The following CSMD1 variants were observed in gnomAD, a reference collection of about 807,000 sequenced individuals.
CSMD1 encodes the protein CUB and Sushi multiple domains 1.
CSMD1 carries 213 observed loss-of-function variants against 417.5 expected under a neutral mutation model. That is an observed-to-expected ratio of 0.51 (90% confidence interval 0.46 to 0.57). The LOEUF is 0.57. CSMD1 is among the 20% of genes least tolerant of loss of function. The probability of loss-of-function intolerance (pLI) is 0.00; values close to 1 mark genes in which losing one functional copy is unlikely to be tolerated. For missense variants in CSMD1, 6,923 were observed against 4,529.7 expected (o/e 1.53, Z -15.17); for synonymous variants, 2,862 against 1,736.8 (o/e 1.65, Z -16.11).
intron 12 of CSMD1, among the ~76,000 whole-genome samples, chr8:3,417,828 C>T (rs1813252731): frequency 6.7e-6 from 1 of 149,906 alleles, no homozygotes; most frequent in Admixed American, 6.6e-5. Flanking sequence ...TCTACAGACC[C>T]TGTTTTTTGG....
chr8:3,505,321 T>A (rs1177370475), intron 10 of CSMD1, among the ~76,000 whole-genome samples: 2 of 152,124 alleles, frequency 1.3e-5, no homozygotes, highest in African/African-American at 4.8e-5. Context: ...CGCTGAAACT[T>A]TGAAGGAGCA....
chr8:4,069,811 T>C (rs1300821424), intron 3 of CSMD1, among the ~76,000 whole-genome samples: 1 of 152,216 alleles, frequency 6.6e-6, no homozygotes, highest in Non-Finnish European at 1.5e-5. Flanking sequence ...ACTCGACAAC[T>C]CACTACTGAA....
intron 3 of CSMD1, among the ~76,000 whole-genome samples, chr8:4,349,568 G>C (rs1351147079): frequency 6.6e-6 from 1 of 152,058 alleles, no homozygotes; most frequent in Admixed American, 6.5e-5. Context: ...AGGTGACATA[G>C]AAGGCTTCAA....
At chr8:4,848,385 G>C (rs902492553) in intron 1 of CSMD1, among the ~76,000 whole-genome samples, 2 of 152,184 alleles carry the variant, frequency 1.3e-5, no homozygotes, top group African/African-American at 2.4e-5. Flanking sequence ...TTATAGTGGA[G>C]CTGAAAAATT....
intron 7 of CSMD1, among the ~76,000 whole-genome samples, chr8:3,642,070 A>C (rs1797334721): frequency 6.6e-6 from 1 of 152,148 alleles, no homozygotes; most frequent in Non-Finnish European, 1.5e-5. Context: ...CGATGGATAC[A>C]CTGAGGGCAA....
At chr8:3,370,735 G>T (rs1809893580) in intron 18 of CSMD1, among the ~76,000 whole-genome samples, 1 of 152,212 alleles carries the variant, frequency 6.6e-6, no homozygotes, top group African/African-American at 2.4e-5. Flanking sequence ...AGCACTTTGG[G>T]AGGCTGAGGC....
Position 3,955,703 on chromosome 8 carries a change from G to C in CSMD1, c.818+42200C>G, listed in dbSNP as rs1585029224. Reference sequence around the variant, plus strand: ...GGATGAGGAAAGAGGATGAATACGTGGACACAAAGATTCTTCGAGAACTGC... The same window carrying C: ...GGATGAGGAAAGAGGATGAATACGTCGACACAAAGATTCTTCGAGAACTGC... On this transcript the variant is annotated intron_variant, in intron 5 of 69. Transcript: ENST00000635120. Among the ~76,000 whole-genome samples the C allele has an allele frequency of 2.0e-5, 3 of 151,840 alleles. No individual in the cohort carries two copies. In the South Asian group the frequency reaches 6.2e-4, roughly 32 times the overall value.
At chr8:4,690,916 G>A (rs954952450) in intron 1 of CSMD1, among the ~76,000 whole-genome samples, 1 of 152,030 alleles carries the variant, frequency 6.6e-6, no homozygotes, top group African/African-American at 2.4e-5. Context: ...TTTAGTAGAG[G>A]TGGGGTTTCA....
At chr8:3,816,872 G>A (rs537999471) in intron 5 of CSMD1, among the ~76,000 whole-genome samples, 42 of 152,016 alleles carry the variant, frequency 2.8e-4, no homozygotes, top group Non-Finnish European at 3.1e-4. Context: ...GGGTAAGGGG[G>A]CACTATATAT....
At chr8:3,050,786 T>A (rs1811768929) in intron 50 of CSMD1, among the ~76,000 whole-genome samples, 1 of 152,246 alleles carries the variant, frequency 6.6e-6, no homozygotes, top group Non-Finnish European at 1.5e-5. Context: ...TGTCTATTTA[T>A]ATCTAAGTAT....
intron 1 of CSMD1, among the ~76,000 whole-genome samples, chr8:4,958,960 G>A (rs971187054): frequency 6.6e-6 from 1 of 152,034 alleles, no homozygotes; most frequent in East Asian, 1.9e-4. Flanking sequence ...GGTCTTGTGA[G>A]AATTACAAAA....
chr8:4,660,536 G>C (rs1050150522), intron 1 of CSMD1, among the ~76,000 whole-genome samples: 1 of 151,884 alleles, frequency 6.6e-6, no homozygotes, highest in African/African-American at 2.4e-5. Context: ...AAAATGTATA[G>C]GGCAAGACAA....
chr8:4,437,274 C>T (rs959878009), intron 2 of CSMD1, among the ~76,000 whole-genome samples: 12 of 152,120 alleles, frequency 7.9e-5, no homozygotes, highest in South Asian at 4.2e-4. Context: ...AGTAAACTTC[C>T]TTTTAAGTAA....
At chr8:4,112,625 G>C (rs1801917026) in intron 3 of CSMD1, among the ~76,000 whole-genome samples, 1 of 152,164 alleles carries the variant, frequency 6.6e-6, no homozygotes. Context: ...TCAGCAAGCA[G>C]GGACCTGTCC....
rs925296211 is a variant in CSMD1, at chr8:3,880,241, C to T, written c.818+117662G>A. On this transcript the variant is annotated intron_variant, in intron 5 of 69. Transcript: ENST00000635120. The stretch of plus-strand genomic sequence containing the variant: ...TTCAGGTGCAATTCTATATGAATCA[C>T]CTTCTCTTAACATTCATGAGAACTC... Among the ~76,000 whole-genome samples, 6 of 152,118 alleles carry T rather than the reference C, an allele frequency of 3.9e-5. No individual in the cohort carries two copies. In the South Asian group the frequency reaches 1.0e-3, roughly 26 times the overall value.
At chr8:3,433,274 C>G (rs1252779286) in intron 12 of CSMD1, among the ~76,000 whole-genome samples, 1 of 152,144 alleles carries the variant, frequency 6.6e-6, no homozygotes, top group Non-Finnish European at 1.5e-5. Flanking sequence ...TAACTTATCT[C>G]CAGGTCTTCT....
At chr8:4,142,493 C>G (rs1286711843) in intron 3 of CSMD1, among the ~76,000 whole-genome samples, 1 of 151,258 alleles carries the variant, frequency 6.6e-6, no homozygotes, top group East Asian at 1.9e-4. Context: ...AATTCACAAG[C>G]TCGTGAAAAA....
rs202099324 is a variant in CSMD1 at position 3,954,533 on chromosome 8, A to AT, written c.818+43369dup. ...AGGCACCCACCACCACTCCCAGATAATTTTTTTGTATTTTTAGTAGAGACG... is the reference window on the plus strand; with the variant it reads ...AGGCACCCACCACCACTCCCAGATAATTTTTTTTGTATTTTTAGTAGAGACG... On this transcript the variant is annotated intron_variant, in intron 5 of 69. Transcript: ENST00000635120. Among the ~76,000 whole-genome samples, 1,326 of 152,098 alleles carry AT rather than the reference A, an allele frequency of 8.7e-3. 39 individuals carry two copies. The highest frequency in any genetic ancestry group is 0.086 in the East Asian group (442 of 5,122).
chr8:4,697,369 C>G (rs557940942), intron 1 of CSMD1, among the ~76,000 whole-genome samples: 2 of 152,122 alleles, frequency 1.3e-5, no homozygotes, highest in South Asian at 4.1e-4. Context: ...GCTTTCATTT[C>G]TGCTTGATTT....
Sources: allele counts gnomAD v4.1 joint callset (sites outside exome capture counted in the v4.1 genomes callset), GRCh38; gene constraint gnomAD v4.1.1; transcripts MANE v1.5; gene names NCBI Gene and HGNC (gene_info 2026-07-23, HGNC 2026-07-21).